The following DLG2 variants were observed in gnomAD, a reference collection of about 807,000 sequenced individuals.
DLG2 encodes discs large MAGUK scaffold protein 2, also known as disks large homolog 2.
A neutral mutation model predicts 132.5 loss-of-function variants in DLG2; 45 were observed. That is an observed-to-expected ratio of 0.34 (90% CI 0.27 to 0.44). DLG2 has a LOEUF of 0.44. Among genes scored for constraint, DLG2 ranks in the 20% least tolerant of loss-of-function variants. The pLI, the probability that DLG2 is intolerant of heterozygous loss-of-function variation, is 1.00. For missense variants in DLG2, 1,045 were observed against 1,196.9 expected (o/e 0.87, Z 1.87); for synonymous variants, 424 against 419.6 (o/e 1.01, Z -0.13).
rs182472245 is a variant in DLG2, at chr11:85,356,631, T to C, written c.41-71266A>G. ...TATTCCTTGAGCATGTACTAGTCCA[T>C]TGATCAGTCAATGATCTCAAGCTTT... On this transcript the variant is annotated intron_variant, in intron 3 of 27. Coordinates refer to ENST00000376104, the MANE Select transcript of DLG2 (RefSeq NM_001142699.3). Among the ~76,000 whole-genome samples, 136 of 152,342 alleles carry C rather than the reference T, an allele frequency of 8.9e-4. 3 individuals carry two copies. The East Asian group carries it at 0.02, about 22-fold the overall frequency.
At chr11:84,726,607 A>C (rs897069252) in intron 6 of DLG2, among the ~76,000 whole-genome samples, 10 of 152,146 alleles carry the variant, frequency 6.6e-5, no homozygotes, top group African/African-American at 2.4e-4. Flanking sequence ...AGAATGATTT[A>C]TAATCCTTTG....
At chr11:85,014,345 G>T (rs977226588) in intron 6 of DLG2, among the ~76,000 whole-genome samples, 5 of 152,162 alleles carry the variant, frequency 3.3e-5, no homozygotes, top group African/African-American at 1.2e-4. Context: ...ATATGTTTTA[G>T]TTCCTTGTAA....
chr11:85,111,046 T>C (rs1338626114), intron 6 of DLG2, among the ~76,000 whole-genome samples: 2 of 152,118 alleles, frequency 1.3e-5, no homozygotes, highest in African/African-American at 2.4e-5. Flanking sequence ...AGTAGTAGCA[T>C]GAGTACATGA....
chr11:84,285,191 CA>C (rs947337602), intron 7 of DLG2, among the ~76,000 whole-genome samples: 2 of 152,140 alleles, frequency 1.3e-5, no homozygotes, highest in Non-Finnish European at 2.9e-5. Flanking sequence ...ATAACAGCTC[CA>C]AAAGCTGAGC....
chr11:83,797,769 C>T (rs1014433380), intron 17 of DLG2, among the ~76,000 whole-genome samples: 3 of 152,108 alleles, frequency 2.0e-5, no homozygotes, highest in Non-Finnish European at 2.9e-5. Flanking sequence ...CCGCCCGCCT[C>T]GGCCTCCCAA....
intron 6 of DLG2, among the ~76,000 whole-genome samples, chr11:84,914,471 T>G (rs1435381921): frequency 6.6e-6 from 1 of 152,214 alleles, no homozygotes; most frequent in Admixed American, 6.5e-5. Flanking sequence ...CAACGGATGC[T>G]CAAACTTCAA....
chr11:84,191,489 G>A lies in DLG2; in HGVS notation c.574-27978C>T, dbSNP rs76062701. On this transcript the variant is annotated intron_variant, in intron 8 of 27. Transcript: ENST00000376104. ...AAAAACTACATTAGAAACTGCAGTAGAACATTATTTCATTTGTTAAACAAA... is the reference window on the plus strand; with the variant it reads ...AAAAACTACATTAGAAACTGCAGTAAAACATTATTTCATTTGTTAAACAAA... 3.8e-4 allele frequency among the ~76,000 whole-genome samples: 58 copies of A among 152,240 alleles called. No homozygotes were observed. In the East Asian group the frequency reaches 7.9e-3, roughly 21 times the overall value.
chr11:84,023,757 C>T (rs2095465368), intron 11 of DLG2, among the ~76,000 whole-genome samples: 3 of 152,050 alleles, frequency 2.0e-5, no homozygotes, highest in Non-Finnish European at 4.4e-5. Context: ...TAGGGATATA[C>T]TCTTCTATTT....
At chr11:85,081,341 T>C (rs117976007) in intron 6 of DLG2, among the ~76,000 whole-genome samples, 99 of 152,266 alleles carry the variant, frequency 6.5e-4, no homozygotes, top group Non-Finnish European at 1.2e-3. Context: ...CCTGATTATA[T>C]TGAACACTTA....
intron 6 of DLG2, among the ~76,000 whole-genome samples, chr11:85,095,156 T>A (rs560986701): frequency 6.6e-6 from 1 of 152,078 alleles, no homozygotes. Context: ...AATAGTAACA[T>A]TGAAGATACT....
intron 6 of DLG2, among the ~76,000 whole-genome samples, chr11:84,918,232 T>C (rs1282412019): frequency 6.6e-6 from 1 of 152,094 alleles, no homozygotes; most frequent in Admixed American, 6.5e-5. Context: ...TTAGTTGGGG[T>C]GAGGGCAATA....
intron 7 of DLG2, among the ~76,000 whole-genome samples, chr11:84,425,673 C>G (rs2098964068): frequency 6.6e-6 from 1 of 152,008 alleles, no homozygotes; most frequent in African/African-American, 2.4e-5. Flanking sequence ...TACAACATCC[C>G]CTATCCTTCA....
At chr11:84,686,615 T>G (rs1300420768) in intron 6 of DLG2, among the ~76,000 whole-genome samples, 3 of 150,430 alleles carry the variant, frequency 2.0e-5, no homozygotes, top group Non-Finnish European at 4.4e-5. Flanking sequence ...CCAAATTCTT[T>G]CAACTGGCCT....
intron 6 of DLG2, among the ~76,000 whole-genome samples, chr11:84,701,764 T>C (rs143308178): frequency 6.6e-6 from 1 of 151,682 alleles, no homozygotes; most frequent in Non-Finnish European, 1.5e-5. Context: ...CAACTTGCAG[T>C]GTCCTCATTG....
At chr11:85,100,869 T>A (rs12288141) in intron 6 of DLG2, among the ~76,000 whole-genome samples, 56 of 152,274 alleles carry the variant, frequency 3.7e-4, no homozygotes, top group Non-Finnish European at 6.9e-4. Flanking sequence ...ACGTGAATCA[T>A]CCTGAGAATT....
At chr11:83,751,598 T>C (rs2093315275) in intron 18 of DLG2, among the ~76,000 whole-genome samples, 1 of 152,060 alleles carries the variant, frequency 6.6e-6, no homozygotes, top group African/African-American at 2.4e-5. Flanking sequence ...TGGATATAAA[T>C]CTAAGGTGTA....
intron 6 of DLG2, among the ~76,000 whole-genome samples, chr11:84,567,657 T>C (rs2099462524): frequency 6.6e-6 from 1 of 152,234 alleles, no homozygotes; most frequent in Non-Finnish European, 1.5e-5. Context: ...TAGCGGCTGT[T>C]ACTTAATCAC....
intron 7 of DLG2, among the ~76,000 whole-genome samples, chr11:84,297,464 T>C (rs1214558768): frequency 6.6e-6 from 1 of 152,216 alleles, no homozygotes; most frequent in African/African-American, 2.4e-5. Context: ...GAATCCACAC[T>C]ATTTAATCCA....
intron 9 of DLG2, among the ~76,000 whole-genome samples, chr11:84,140,721 A>T (rs1249668608): frequency 6.6e-6 from 1 of 152,146 alleles, no homozygotes; most frequent in African/African-American, 2.4e-5. Flanking sequence ...TACTGTTTTC[A>T]TCTTTCTCTC....
Sources: gnomAD v4.1 joint callset for allele counts (sites outside exome capture counted in the v4.1 genomes callset) on GRCh38, gnomAD v4.1.1 for gene constraint, MANE v1.5 for transcripts, NCBI Gene and HGNC (gene_info 2026-07-23, HGNC 2026-07-21) for gene names.